TTC17: variants seen among roughly 807,000 people sequenced by gnomAD.
TTC17 encodes tetratricopeptide repeat protein 17.
Under a neutral mutation model 143.8 loss-of-function variants are expected in TTC17, and 58 were observed. That is an observed-to-expected ratio of 0.40 (90% confidence interval 0.33 to 0.50). TTC17 has a LOEUF of 0.50. Among genes scored for constraint, TTC17 ranks in the 20% least tolerant of loss-of-function variants. The pLI, the probability that TTC17 is intolerant of heterozygous loss-of-function variation, is 0.49. For synonymous variants in TTC17, 501 were observed against 497.8 expected (o/e 1.01, Z -0.09); for missense variants, 1,273 against 1,392.5 (o/e 0.91, Z 1.37).
chr11:43,411,755 T>G (rs1401212483), intron 15 of TTC17, among the ~76,000 whole-genome samples: 1 of 152,234 alleles, frequency 6.6e-6, no homozygotes. Flanking sequence ...AAAGATACAT[T>G]TGAAGTCTAA....
At chr11:43,434,738 G>A (rs1486352919) in intron 16 of TTC17, among the ~76,000 whole-genome samples, 3 of 152,304 alleles carry the variant, frequency 2.0e-5, no homozygotes, top group Middle Eastern at 3.4e-3. Context: ...GTCTCCCCAA[G>A]TTGTTTGTCG....
At chr11:43,416,716 TAAA>T (rs933404101) in intron 16 of TTC17, among the ~76,000 whole-genome samples, 6 of 152,152 alleles carry the variant, frequency 3.9e-5, no homozygotes, top group Non-Finnish European at 8.8e-5. Context: ...AGCTCATCAA[TAAA>T]AAATATTTAG....
Position 43,434,122 on chromosome 11 carries a change from C to T in TTC17, c.2252-9203C>T, listed in dbSNP as rs80084189. ...AGGAGAATCTGGAGAAAGAAAGCAACTACCATTGCTCATGGCTTCTTTCCC... is the reference window on the plus strand; with the variant it reads ...AGGAGAATCTGGAGAAAGAAAGCAATTACCATTGCTCATGGCTTCTTTCCC... On this transcript the variant is annotated intron_variant, in intron 16 of 23. Coordinates refer to ENST00000039989, the MANE Select transcript of TTC17 (RefSeq NM_018259.6). Among the ~76,000 whole-genome samples the T allele has an allele frequency of 7.6e-3, 1,152 of 150,802 alleles. 13 individuals are homozygous for T. The highest frequency in any genetic ancestry group is 0.027 in the African/African-American group (1,116 of 41,060).
intron 21 of TTC17, among the ~76,000 whole-genome samples, chr11:43,486,264 G>A (rs1329071629): frequency 6.6e-6 from 1 of 152,064 alleles, no homozygotes; most frequent in Non-Finnish European, 1.5e-5. Flanking sequence ...AAGTTTTTAA[G>A]TTGTCCACCA....
chr11:43,408,706 ATAAAT>A (rs1301652932), intron 15 of TTC17, among the ~76,000 whole-genome samples: 2 of 152,184 alleles, frequency 1.3e-5, no homozygotes, highest in Admixed American at 6.5e-5. Context: ...GAATAAAAAG[ATAAAT>A]TAATGGATCA....
At chr11:43,400,179 A>G in intron 9 of TTC17, 131 bp downstream of exon 9, 16 of 1,029,100 alleles carry the variant, frequency 1.6e-5, no homozygotes, top group Non-Finnish European at 2.2e-5. Context: ...TCTCGAAAGC[A>G]TGATTCATCA....
At chr11:43,436,430 C>T in intron 16 of TTC17, 1 of 1,097,970 alleles carries the variant, frequency 9.1e-7, no homozygotes, top group Non-Finnish European at 1.2e-6. Flanking sequence ...TTGTTTTCTT[C>T]TTTAACAATC....
chr11:43,397,905 TG>T (rs1857674710), intron 7 of TTC17, 68 bp from the exon 8 acceptor site: 1 of 161,792 alleles, frequency 6.2e-6, no homozygotes, highest in South Asian at 2.0e-4. Context: ...TTTTTCCGTG[TG>T]TGTGTGTGTG....
At chr11:43,366,653 T>C (rs1279134888) in intron 1 of TTC17, among the ~76,000 whole-genome samples, 1 of 152,198 alleles carries the variant, frequency 6.6e-6, no homozygotes, top group South Asian at 2.1e-4. Context: ...TTTAATAGTT[T>C]GGTGCATATC....
Position 43,391,555 on chromosome 11 carries a change from A to T in TTC17, c.510A>T (p.Ile170=). ...CTKILELPYS[I]HAFQHLRGVQ... is the part of the protein sequence containing the mutation. ...AAATTCTAGAACTTCCATATAGTATACATGCTTTTCAGCACTTGAGAGTAA... is the reference window on the plus strand; with the variant it reads ...AAATTCTAGAACTTCCATATAGTATTCATGCTTTTCAGCACTTGAGAGTAA... Residue 170 remains isoleucine (I), a synonymous_variant, in exon 4 of 24, where the codon ATA becomes ATT. Coordinates refer to ENST00000039989, the MANE Select transcript of TTC17 (RefSeq NM_018259.6). 6.3e-7 allele frequency: 1 copy of T among 1,584,504 alleles called. No individual in the cohort carries two copies. Among genetic ancestry groups the T allele is most frequent in the Non-Finnish European group, 8.5e-7 (1 of 1,172,202 alleles).
intron 2 of TTC17, among the ~76,000 whole-genome samples, chr11:43,387,124 A>T (rs1176000406): frequency 1.3e-5 from 2 of 152,214 alleles, no homozygotes; most frequent in African/African-American, 4.8e-5. Flanking sequence ...ATTGGGGGGA[A>T]AAAATAAGCA....
At chr11:43,463,533 A>T (rs1947911811) in intron 21 of TTC17, among the ~76,000 whole-genome samples, 1 of 152,196 alleles carries the variant, frequency 6.6e-6, no homozygotes, top group African/African-American at 2.4e-5. Context: ...TCCAAAATTT[A>T]AAACTCTTCT....
chr11:43,386,768 C>T (rs976881276), intron 2 of TTC17, among the ~76,000 whole-genome samples: 1 of 150,278 alleles, frequency 6.7e-6, no homozygotes, highest in African/African-American at 2.4e-5. Context: ...TAATTTCTTA[C>T]GTATGTATGT....
intron 21 of TTC17, 189 bp from the exon 22 acceptor site, chr11:43,490,050 T>C (rs576414010): frequency 2.6e-5 from 16 of 606,184 alleles, no homozygotes; most frequent in African/African-American, 2.6e-4. Flanking sequence ...GCTGTAATAG[T>C]AGTATCAAGC....
At chr11:43,462,090 A>T (rs1306656513) in intron 21 of TTC17, among the ~76,000 whole-genome samples, 2 of 88,742 alleles carry the variant, frequency 2.3e-5, no homozygotes, top group African/African-American at 4.7e-5. Flanking sequence ...AGGCTAGATT[A>T]AAAAAAAAAA....
intron 21 of TTC17, among the ~76,000 whole-genome samples, chr11:43,467,584 T>G (rs1252852574): frequency 6.6e-6 from 1 of 152,146 alleles, no homozygotes; most frequent in Non-Finnish European, 1.5e-5. Flanking sequence ...GTTCTGAAGG[T>G]TGGTTACATG....
chr11:43,428,530 T>G (rs1360859290), intron 16 of TTC17, among the ~76,000 whole-genome samples: 1 of 152,220 alleles, frequency 6.6e-6, no homozygotes, highest in African/African-American at 2.4e-5. Flanking sequence ...TGGTGCTGAC[T>G]TTGCTTTCCG....
chr11:43,388,694 C>T (rs1205814853), intron 2 of TTC17, among the ~76,000 whole-genome samples: 3 of 151,078 alleles, frequency 2.0e-5, no homozygotes, highest in African/African-American at 7.3e-5. Flanking sequence ...GAAAAGTTGG[C>T]CAGGCATGGT....
At chr11:43,410,162 T>C (rs1858344336) in intron 15 of TTC17, among the ~76,000 whole-genome samples, 1 of 152,352 alleles carries the variant, frequency 6.6e-6, no homozygotes, top group South Asian at 2.1e-4. Context: ...CTTGTAATTG[T>C]ATTTTTAAAG....
Sources: allele counts gnomAD v4.1 joint callset (sites outside exome capture counted in the v4.1 genomes callset), GRCh38; gene constraint gnomAD v4.1.1; transcripts MANE v1.5; gene names NCBI Gene and HGNC (gene_info 2026-07-23, HGNC 2026-07-21).